The following TMEM108 variants were observed in gnomAD, a reference collection of about 807,000 sequenced individuals.
TMEM108 encodes cancer/testis antigen 124.
TMEM108 carries 12 observed loss-of-function variants against 35.1 expected under a neutral mutation model. That is an observed-to-expected ratio of 0.34 (90% CI 0.22 to 0.55). TMEM108 has a LOEUF of 0.55. Ranked by LOEUF, TMEM108 falls within the 20% of genes least tolerant of loss-of-function variation. The probability of loss-of-function intolerance (pLI) is 0.89; values close to 1 mark genes in which losing one functional copy is unlikely to be tolerated. For synonymous variants in TMEM108, 287 were observed against 308.6 expected, an observed-to-expected ratio of 0.93 and a Z score of 0.73; for missense variants, 680 against 753.3, an observed-to-expected ratio of 0.90 and a Z score of 1.14.
intron 2 of TMEM108, among the ~76,000 whole-genome samples, chr3:133,110,705 A>G (rs1350329151): frequency 1.3e-5 from 2 of 152,224 alleles, no homozygotes; most frequent in African/African-American, 2.4e-5. Context: ...GATTTGAAAC[A>G]GATACAAACT....
chr3:133,100,667 G>A (rs2107714802), intron 2 of TMEM108, among the ~76,000 whole-genome samples: 1 of 152,270 alleles, frequency 6.6e-6, no homozygotes, highest in Non-Finnish European at 1.5e-5. Flanking sequence ...ACCTCCAAAA[G>A]AGTATTCTTT....
chr3:133,162,620 T>G (rs575440336), intron 2 of TMEM108, among the ~76,000 whole-genome samples: 1 of 152,328 alleles, frequency 6.6e-6, no homozygotes, highest in Admixed American at 6.5e-5. Flanking sequence ...GCAAGACAGA[T>G]CTTTAAGATT....
At chr3:133,188,381 G>C (rs1452695334) in intron 2 of TMEM108, among the ~76,000 whole-genome samples, 1 of 151,314 alleles carries the variant, frequency 6.6e-6, no homozygotes, top group African/African-American at 2.4e-5. Context: ...ATTTGTGGGT[G>C]GGTTCCAGCT....
At chr3:133,361,193 A>T (rs2107793443) in intron 3 of TMEM108, among the ~76,000 whole-genome samples, 1 of 152,336 alleles carries the variant, frequency 6.6e-6, no homozygotes, top group African/African-American at 2.4e-5. Context: ...AGACATTTCT[A>T]GGCATTGCGA....
intron 3 of TMEM108, among the ~76,000 whole-genome samples, chr3:133,277,011 C>G (rs927713617): frequency 1.3e-5 from 2 of 151,894 alleles, no homozygotes; most frequent in Non-Finnish European, 2.9e-5. Flanking sequence ...TTTCTAATGA[C>G]GTGTGAGGTG....
intron 2 of TMEM108, among the ~76,000 whole-genome samples, chr3:133,212,324 G>T (rs943913865): frequency 2.0e-5 from 3 of 152,098 alleles, no homozygotes; most frequent in Non-Finnish European, 4.4e-5. Flanking sequence ...GAAAATTTTT[G>T]AGAGAATTTT....
At chr3:133,318,068 CTG>C (rs1488246040) in intron 3 of TMEM108, among the ~76,000 whole-genome samples, 1 of 152,218 alleles carries the variant, frequency 6.6e-6, no homozygotes, top group African/African-American at 2.4e-5. Flanking sequence ...GTGAAGCAGA[CTG>C]TGGGATCTTT....
chr3:133,395,902 C>A lies in TMEM108; in HGVS notation c.1644C>A (p.Asp548Glu), dbSNP rs2073300079. Residue 548 changes from aspartate to glutamate, a missense_variant, in exon 6 of 6, where the codon GAC becomes GAA. Asp to Glu is a conservative substitution (Grantham distance 45). Around this residue, in one of 3 missense-constraint regions of TMEM108, gnomAD observed 105 missense variants for 150.7 expected, o/e 0.70. Coordinates refer to ENST00000321871, the MANE Select transcript of TMEM108 (RefSeq NM_023943.4). ...LSEPRSPANG[D>E]YRDTGMVLVN... ...AGCCCCGCTCCCCAGCCAATGGCGA[C>A]TATAGAGACACTGGGATGGTCCTTG... The A allele has an allele frequency of 1.9e-6, 3 of 1,602,420 alleles. No homozygotes were observed. The highest frequency in any genetic ancestry group is 1.7e-6 in the Non-Finnish European group (2 of 1,174,860).
At position 133,326,993 on chromosome 3, in the gene TMEM108, A is replaced by T. The variant is rs116683423; in HGVS notation, c.41-52759A>T. Among the ~76,000 whole-genome samples the T allele has an allele frequency of 1.9e-3, 293 of 152,350 alleles. 1 individual carries two copies. Among genetic ancestry groups the T allele is most frequent in the Non-Finnish European group, 3.2e-3 (220 of 68,030 alleles). ...AGTTTAACAGATGCTTCTTTGAAAC[A>T]TGAATGCCTCAGAAGCCTTTCAGGT... On this transcript the variant is annotated intron_variant, in intron 3 of 5. Coordinates refer to ENST00000321871, the MANE Select transcript of TMEM108 (RefSeq NM_023943.4).
At chr3:133,079,706 C>T (rs1943786585) in intron 2 of TMEM108, among the ~76,000 whole-genome samples, 2 of 152,258 alleles carry the variant, frequency 1.3e-5, no homozygotes, top group Admixed American at 1.3e-4. Flanking sequence ...CTGTTTATGG[C>T]AGCAGGTAAG....
intron 2 of TMEM108, among the ~76,000 whole-genome samples, chr3:133,074,985 A>C (rs1237278923): frequency 2.0e-5 from 3 of 152,146 alleles, no homozygotes; most frequent in Non-Finnish European, 2.9e-5. Flanking sequence ...TGTTGTATTC[A>C]TGTGTTATAA....
chr3:133,246,980 G>A (rs1946396032), intron 3 of TMEM108: 1 of 152,222 alleles, frequency 6.6e-6, no homozygotes, highest in South Asian at 2.1e-4. Context: ...CCAAGTGACA[G>A]TTCCTCTCTG....
chr3:133,068,193 A>G (rs997080175), intron 2 of TMEM108, among the ~76,000 whole-genome samples: 2 of 152,136 alleles, frequency 1.3e-5, no homozygotes, highest in African/African-American at 2.4e-5. Context: ...AGTTTCCCAC[A>G]TGAACTTAGG....
chr3:133,259,108 A>G (rs1576417691), intron 3 of TMEM108, among the ~76,000 whole-genome samples: 2 of 152,216 alleles, frequency 1.3e-5, no homozygotes, highest in African/African-American at 4.8e-5. Flanking sequence ...GCCTTAATAC[A>G]TTACCACCAC....
At chr3:133,131,933 T>C (rs1019127402) in intron 2 of TMEM108, among the ~76,000 whole-genome samples, 47 of 152,188 alleles carry the variant, frequency 3.1e-4, no homozygotes, top group Non-Finnish European at 5.6e-4. Flanking sequence ...ATAGATAATA[T>C]ATAGAGAGAA....
chr3:133,073,504 C>CTATATA (rs1302060288), intron 2 of TMEM108, among the ~76,000 whole-genome samples: 2 of 85,942 alleles, frequency 2.3e-5, no homozygotes, highest in Non-Finnish European at 4.5e-5. Flanking sequence ...CTCTCTCTCT[C>CTATATA]TCTCTCTATA....
At chr3:133,203,544 T>G (rs1276504656) in intron 2 of TMEM108, among the ~76,000 whole-genome samples, 1 of 152,192 alleles carries the variant, frequency 6.6e-6, no homozygotes, top group Admixed American at 6.5e-5. Flanking sequence ...CTGCATCTAT[T>G]GAGATAATCA....
intron 4 of TMEM108, among the ~76,000 whole-genome samples, chr3:133,382,655 G>A (rs1411282404): frequency 6.6e-6 from 1 of 152,238 alleles, no homozygotes; most frequent in Non-Finnish European, 1.5e-5. Context: ...GGCTTGCCCT[G>A]ATCTCAAGAG....
At chr3:133,289,174 G>A (rs1159486786) in intron 3 of TMEM108, among the ~76,000 whole-genome samples, 1 of 152,132 alleles carries the variant, frequency 6.6e-6, no homozygotes, top group Non-Finnish European at 1.5e-5. Context: ...AATGGTTCTT[G>A]GGGCTTGGGG....
Sources: allele counts gnomAD v4.1 joint callset (sites outside exome capture counted in the v4.1 genomes callset), GRCh38; gene constraint gnomAD v4.1.1; regional missense constraint gnomAD v4.1.1; transcripts MANE v1.5; gene names NCBI Gene and HGNC (gene_info 2026-07-23, HGNC 2026-07-21).